TMEFF1: variants seen among roughly 807,000 people sequenced by gnomAD.
TMEFF1 encodes transmembrane protein with EGF like and two follistatin like domains 1, also known as tomoregulin-1.
In TMEFF1, 20 loss-of-function variants were observed where a neutral mutation model predicts 47.5. That is an observed-to-expected ratio of 0.42 (90% confidence interval 0.30 to 0.61). The LOEUF (loss-of-function observed/expected upper bound fraction) is 0.61. Among genes scored for constraint, TMEFF1 ranks in the 20% least tolerant of loss-of-function variants. The pLI, the probability that TMEFF1 is intolerant of heterozygous loss-of-function variation, is 0.19. For synonymous variants in TMEFF1, 162 were observed against 166.3 expected, an observed-to-expected ratio of 0.97 and a Z score of 0.20; for missense variants, 411 against 471.1, an observed-to-expected ratio of 0.87 and a Z score of 1.18.
intron 3 of TMEFF1, among the ~76,000 whole-genome samples, chr9:100,512,126 G>T (rs1206882298): frequency 6.6e-6 from 1 of 152,134 alleles, no homozygotes; most frequent in Non-Finnish European, 1.5e-5. Context: ...TAATAAAGGG[G>T]TGTTTTCCTA....
chr9:100,491,268 T>C (rs965807716), intron 1 of TMEFF1, among the ~76,000 whole-genome samples: 7 of 152,178 alleles, frequency 4.6e-5, no homozygotes, highest in African/African-American at 1.7e-4. Context: ...CTGGCCTTGT[T>C]CTGGGAGTGA....
At chr9:100,504,392 C>T (rs1837818885) in intron 2 of TMEFF1, among the ~76,000 whole-genome samples, 1 of 152,178 alleles carries the variant, frequency 6.6e-6, no homozygotes, top group African/African-American at 2.4e-5. Flanking sequence ...ATTAAGTCCT[C>T]TGCTCAGTGT....
intron 5 of TMEFF1, among the ~76,000 whole-genome samples, chr9:100,520,656 A>G (rs1267915221): frequency 6.6e-6 from 1 of 152,234 alleles, no homozygotes; most frequent in African/African-American, 2.4e-5. Context: ...TACTCTTACA[A>G]TTACATATGT....
At chr9:100,478,489 G>A (rs1837275941) in intron 1 of TMEFF1, among the ~76,000 whole-genome samples, 1 of 152,030 alleles carries the variant, frequency 6.6e-6, no homozygotes, top group Non-Finnish European at 1.5e-5. Context: ...AATTTTTTGT[G>A]TTTTTAGTAG....
At chr9:100,566,105 A>T (rs550833578) in intron 8 of TMEFF1, among the ~76,000 whole-genome samples, 1 of 152,254 alleles carries the variant, frequency 6.6e-6, no homozygotes, top group South Asian at 2.1e-4. Context: ...GTCAAGAATT[A>T]TACTGTCTCT....
At chr9:100,541,336 T>A (rs1038296390) in intron 5 of TMEFF1, among the ~76,000 whole-genome samples, 1 of 150,960 alleles carries the variant, frequency 6.6e-6, no homozygotes, top group Non-Finnish European at 1.5e-5. Context: ...TCATGGTGGA[T>A]TTGGCAATTT....
At chr9:100,562,046 T>C (rs147012594) in intron 8 of TMEFF1, among the ~76,000 whole-genome samples, 4 of 152,182 alleles carry the variant, frequency 2.6e-5, no homozygotes, top group Non-Finnish European at 5.9e-5. Flanking sequence ...GGGAAAAAAC[T>C]AAGTCTCAGA....
At chr9:100,493,191 C>G (rs1042297268) in intron 1 of TMEFF1, among the ~76,000 whole-genome samples, 17 of 152,080 alleles carry the variant, frequency 1.1e-4, no homozygotes, top group African/African-American at 4.1e-4. Flanking sequence ...GCTAAACAAC[C>G]TCCAGTGTAC....
At chr9:100,483,816 G>C (rs573786513) in intron 1 of TMEFF1, among the ~76,000 whole-genome samples, 1 of 151,110 alleles carries the variant, frequency 6.6e-6, no homozygotes, top group African/African-American at 2.4e-5. Context: ...ACTTGGCTCT[G>C]TCAAGTTGGC....
intron 6 of TMEFF1, among the ~76,000 whole-genome samples, chr9:100,548,712 G>A (rs1055982192): frequency 2.6e-5 from 4 of 152,192 alleles, no homozygotes; most frequent in Non-Finnish European, 5.9e-5. Flanking sequence ...AAGGTTGTAA[G>A]CCAAAATTTG....
chr9:100,498,519 C>T (rs1328396696), intron 1 of TMEFF1, among the ~76,000 whole-genome samples: 4 of 151,958 alleles, frequency 2.6e-5, no homozygotes, highest in African/African-American at 9.7e-5. Context: ...ATGTTAAGTC[C>T]TGAAATTTTG....
At chr9:100,527,573 C>A (rs866331198) in intron 5 of TMEFF1, among the ~76,000 whole-genome samples, 1 of 152,234 alleles carries the variant, frequency 6.6e-6, no homozygotes. Context: ...TATCCCGCAC[C>A]TGGCTCGGGG....
In TMEFF1 at chr9:100,513,307, A is replaced by G. The variant is rs376945222; in HGVS notation, c.437A>G (p.Asp146Gly). 6.3e-7 allele frequency: 1 copy of G among 1,597,582 alleles called. No individual in the cohort carries two copies. The highest frequency in any genetic ancestry group is 8.5e-7 in the Non-Finnish European group (1 of 1,174,254). Reference sequence around the variant, plus strand: ...ATTCATTCTTTGTTTTTCTTCTCAGATAATGGATCTGGATCTGGAGAAGGA... The same window carrying G: ...ATTCATTCTTTGTTTTTCTTCTCAGGTAATGGATCTGGATCTGGAGAAGGA... ...TVIARGPCYS[D>G]NGSGSGEGEE... is the part of the protein sequence containing the mutation. The change falls in exon 4 of 10, where the codon GAT becomes GGT. Residue 146 changes from aspartate (D) to glycine (G), a missense_variant and splice_region_variant. Transcript: ENST00000374879.
chr9:100,570,700 G>A (rs1839223573), intron 8 of TMEFF1, among the ~76,000 whole-genome samples: 1 of 151,862 alleles, frequency 6.6e-6, no homozygotes, highest in Admixed American at 6.6e-5. Context: ...AAATGTACTG[G>A]GAAGTGTCTA....
At chr9:100,484,076 C>T (rs1186077783) in intron 1 of TMEFF1, among the ~76,000 whole-genome samples, 1 of 152,082 alleles carries the variant, frequency 6.6e-6, no homozygotes, top group Non-Finnish European at 1.5e-5. Flanking sequence ...TTGAAGTTAT[C>T]ATAGGACCCA....
At chr9:100,488,800 GT>G (rs1280881649) in intron 1 of TMEFF1, among the ~76,000 whole-genome samples, 3 of 151,998 alleles carry the variant, frequency 2.0e-5, no homozygotes, top group Non-Finnish European at 1.5e-5. Flanking sequence ...ATGCCAGGGT[GT>G]CCCTCTTAAA....
chr9:100,495,653 A>G (rs898369279), intron 1 of TMEFF1, among the ~76,000 whole-genome samples: 1 of 152,214 alleles, frequency 6.6e-6, no homozygotes, highest in Non-Finnish European at 1.5e-5. Flanking sequence ...ACATTTATGC[A>G]TGAACACACA....
chr9:100,566,477 G>A (rs560658221), intron 8 of TMEFF1, among the ~76,000 whole-genome samples: 1 of 152,146 alleles, frequency 6.6e-6, no homozygotes, highest in East Asian at 1.9e-4. Flanking sequence ...CTTTTCAGTT[G>A]CTCAGACAAA....
At chr9:100,504,564 A>G (rs1329921266) in intron 2 of TMEFF1, among the ~76,000 whole-genome samples, 2 of 152,230 alleles carry the variant, frequency 1.3e-5, no homozygotes, top group African/African-American at 4.8e-5. Context: ...GCTAATGTTT[A>G]TTGAGAATGT....
Sources: allele counts gnomAD v4.1 joint callset (sites outside exome capture counted in the v4.1 genomes callset), GRCh38; gene constraint gnomAD v4.1.1; transcripts MANE v1.5; gene names NCBI Gene and HGNC (gene_info 2026-07-23, HGNC 2026-07-21).